The following DLG1 variants were observed in gnomAD, a reference collection of about 807,000 sequenced individuals.
The protein encoded by DLG1 is disks large homolog 1.
DLG1 carries 42 observed loss-of-function variants against 123.4 expected under a neutral mutation model. The ratio of observed to expected loss-of-function variants is 0.34; its 90% CI spans 0.27 to 0.44. DLG1 has a LOEUF of 0.44. Ranked by LOEUF, DLG1 falls within the 20% of genes least tolerant of loss-of-function variation. The pLI, the probability that DLG1 is intolerant of heterozygous loss-of-function variation, is 1.00. For missense variants in DLG1, 942 were observed against 1,082.6 expected, an observed-to-expected ratio of 0.87 and a Z score of 1.82; for synonymous variants, 317 against 356.2, an observed-to-expected ratio of 0.89 and a Z score of 1.24.
At position 197,071,254 on chromosome 3, in the gene DLG1, A is replaced by G. The variant is rs147024599; in HGVS notation, c.2006-1994T>C. 4.1e-3 allele frequency among the ~76,000 whole-genome samples: 626 copies of G among 152,300 alleles called. 5 individuals are homozygous for G. The highest frequency in any genetic ancestry group is 0.014 in the African/African-American group (587 of 41,562). ...GAGGGGAGTGTAAGTGGGAGTACAG[A>G]AGAAACAGAATTGGCAAATGTTCAG... On this transcript the variant is annotated intron_variant, in intron 18 of 24. Coordinates refer to ENST00000667157, the MANE Select transcript of DLG1 (RefSeq NM_001366207.1).
rs369412843 is a variant in DLG1, at chr3:197,085,602, C to G, written c.1816G>C (p.Gly606Arg). 1 of 1,613,768 alleles carries G rather than the reference C, an allele frequency of 6.2e-7. No individual in the cohort carries two copies. The highest frequency in any genetic ancestry group is 2.2e-5 in the East Asian group (1 of 44,878). The change falls in exon 16 of 25, where the codon GGA (glycine) becomes CGA (arginine). Residue 606 changes from glycine to arginine, a missense_variant. Physicochemically the swap from Gly to Arg is moderately radical, Grantham distance 125. Transcript: ENST00000667157. ...TACCTGCGTTTACTGGGAATCACTC[C>G]GACCTCATCGCTCTCACCATCTGGT... ...VTPDGESDEV[G>R]VIPSKRRVEK...
chr3:197,239,192 G>C (rs1020017323), intron 4 of DLG1, among the ~76,000 whole-genome samples: 3 of 151,958 alleles, frequency 2.0e-5, no homozygotes, highest in South Asian at 2.1e-4. Context: ...GTCCTATATA[G>C]AGCAAGTAAA....
At chr3:197,100,521 T>C (rs1299352682) in intron 14 of DLG1, among the ~76,000 whole-genome samples, 1 of 152,240 alleles carries the variant, frequency 6.6e-6, no homozygotes, top group African/African-American at 2.4e-5. Context: ...TTATTTCTTT[T>C]ATGGTATTAT....
intron 4 of DLG1, among the ~76,000 whole-genome samples, chr3:197,204,377 C>A (rs1179702349): frequency 6.6e-6 from 1 of 152,198 alleles, no homozygotes; most frequent in East Asian, 1.9e-4. Flanking sequence ...CAACTTAGAG[C>A]CACATCCAGA....
chr3:197,093,286 G>A (rs1347546095), intron 14 of DLG1, among the ~76,000 whole-genome samples: 3 of 152,056 alleles, frequency 2.0e-5, no homozygotes, highest in Non-Finnish European at 1.5e-5. Context: ...AGCCTCCCAA[G>A]GAGCTGGGAC....
At chr3:197,219,039 G>A (rs565616361) in intron 4 of DLG1, among the ~76,000 whole-genome samples, 1 of 152,156 alleles carries the variant, frequency 6.6e-6, no homozygotes, top group South Asian at 2.1e-4. Context: ...GCTGAGGCAG[G>A]AGAATCGCTT....
At chr3:197,239,323 T>C (rs1188541449) in intron 4 of DLG1, among the ~76,000 whole-genome samples, 1 of 152,046 alleles carries the variant, frequency 6.6e-6, no homozygotes, top group African/African-American at 2.4e-5. Flanking sequence ...AGACACTGAA[T>C]AAGTAATCAA....
chr3:197,123,631 G>A (rs1241578799), intron 11 of DLG1, among the ~76,000 whole-genome samples: 2 of 152,302 alleles, frequency 1.3e-5, no homozygotes, highest in African/African-American at 4.8e-5. Flanking sequence ...TGAGGATGTA[G>A]AAAAACTGGG....
intron 16 of DLG1, among the ~76,000 whole-genome samples, chr3:197,083,452 A>G (rs1752381681): frequency 6.6e-6 from 1 of 152,234 alleles, no homozygotes; most frequent in Non-Finnish European, 1.5e-5. Flanking sequence ...GAACTTCCAG[A>G]CAATGATTTG....
chr3:197,099,536 T>A (rs888474166), intron 14 of DLG1, among the ~76,000 whole-genome samples: 20 of 152,228 alleles, frequency 1.3e-4, no homozygotes, highest in Non-Finnish European at 1.8e-4. Context: ...TTAGGACGTA[T>A]CTGAACTGCT....
intron 4 of DLG1, among the ~76,000 whole-genome samples, chr3:197,259,699 T>C (rs566061210): frequency 1.4e-4 from 22 of 152,304 alleles, no homozygotes; most frequent in East Asian, 3.9e-4. Context: ...AAGTGAAGCA[T>C]GCTGCACTTT....
chr3:197,170,625 C>A (rs899973771), intron 5 of DLG1, among the ~76,000 whole-genome samples: 61 of 152,214 alleles, frequency 4.0e-4, no homozygotes, highest in African/African-American at 4.3e-4. Flanking sequence ...TCCTTATAGA[C>A]GCCGGATATT....
At chr3:197,054,089 T>C (rs1729902962) in intron 23 of DLG1, among the ~76,000 whole-genome samples, 1 of 152,100 alleles carries the variant, frequency 6.6e-6, no homozygotes, top group Non-Finnish European at 1.5e-5. Context: ...AAGCGAGACC[T>C]TGTCTCAAAA....
chr3:197,100,411 CAG>C (rs1762835282), intron 14 of DLG1, among the ~76,000 whole-genome samples: 2 of 152,164 alleles, frequency 1.3e-5, no homozygotes, highest in Non-Finnish European at 2.9e-5. Context: ...TGCCACCAAA[CAG>C]TTTTTTTCTT....
At chr3:197,216,250 CT>C (rs531826039) in intron 4 of DLG1, among the ~76,000 whole-genome samples, 1 of 151,976 alleles carries the variant, frequency 6.6e-6, no homozygotes, top group Non-Finnish European at 1.5e-5. Flanking sequence ...TAAGTCTCTC[CT>C]TTTTTTTACT....
At chr3:197,251,216 A>G (rs1231115325) in intron 4 of DLG1, among the ~76,000 whole-genome samples, 1 of 152,016 alleles carries the variant, frequency 6.6e-6, no homozygotes, top group Non-Finnish European at 1.5e-5. Context: ...ACAAAAACAA[A>G]CAAAAAAACA....
chr3:197,052,946 A>C (rs1728951333), intron 23 of DLG1, among the ~76,000 whole-genome samples: 2 of 152,256 alleles, frequency 1.3e-5, no homozygotes, highest in South Asian at 2.1e-4. Flanking sequence ...CAACATTTGA[A>C]CTTTATCAAA....
chr3:197,203,490 A>G (rs1022498947), intron 4 of DLG1, among the ~76,000 whole-genome samples: 1 of 152,154 alleles, frequency 6.6e-6, no homozygotes, highest in Non-Finnish European at 1.5e-5. Context: ...ATCATCAATT[A>G]TAAGATGCCC....
intron 18 of DLG1, chr3:197,075,939 A>G (rs2148999661): frequency 7.1e-7 from 1 of 1,405,002 alleles, no homozygotes; most frequent in East Asian, 2.3e-5. Context: ...TCAGTAATGC[A>G]TAAAATTGGT....
Sources: gnomAD v4.1 joint callset for allele counts (sites outside exome capture counted in the v4.1 genomes callset) on GRCh38, gnomAD v4.1.1 for gene constraint, MANE v1.5 for transcripts, NCBI Gene and HGNC (gene_info 2026-07-23, HGNC 2026-07-21) for gene names.